Variants in LPP observed in about 807,000 individuals in gnomAD.
The protein encoded by LPP is lipoma-preferred partner.
Under a neutral mutation model 60.4 loss-of-function variants are expected in LPP, and 38 were observed. That is an observed-to-expected ratio of 0.63 (90% CI 0.49 to 0.83). The LOEUF (loss-of-function observed/expected upper bound fraction) is 0.83, where lower values mean the gene tolerates loss of function less well. Among genes scored for constraint, LPP ranks in the 40% least tolerant of loss-of-function variants. The probability of loss-of-function intolerance (pLI) is 0.00; values close to 1 mark genes in which losing one functional copy is unlikely to be tolerated. For missense variants in LPP, 902 were observed against 783.6 expected (o/e 1.15, Z -1.80); for synonymous variants, 328 against 290.8 (o/e 1.13, Z -1.30).
intron 3 of LPP, among the ~76,000 whole-genome samples, chr3:188,377,317 A>G (rs968085391): frequency 3.3e-5 from 5 of 152,108 alleles, no homozygotes; most frequent in Non-Finnish European, 4.4e-5. Context: ...ACTTGGTTTC[A>G]TTCTCCCCGT....
At position 188,875,554 on chromosome 3, in the gene LPP, G is replaced by T. The variant is rs924348984; in HGVS notation, c.*1075G>T. 5 of 210,728 alleles carry T rather than the reference G, an allele frequency of 2.4e-5. No homozygotes were observed. The highest frequency in any genetic ancestry group is 1.1e-4 in the African/African-American group (5 of 43,994). The allele number at this position is 210,728 out of a possible 1,614,324, so 13.1% of individuals were successfully genotyped here. ...AAAATAAAACTGTGCAGTTTTGTTT[G>T]GTTTACTTTCAAAAGAGTAGAAAGC... On this transcript the variant is annotated 3_prime_UTR_variant, in exon 12 of 12. Coordinates refer to ENST00000617246, the MANE Select transcript of LPP (RefSeq NM_001375462.1).
At chr3:188,394,615 A>G (rs1198057828) in intron 3 of LPP, among the ~76,000 whole-genome samples, 2 of 150,718 alleles carry the variant, frequency 1.3e-5, no homozygotes, top group Non-Finnish European at 2.9e-5. Context: ...CCAGAACATT[A>G]GCTGAGTATA....
At chr3:188,555,840 A>G (rs1048197999) in intron 6 of LPP, among the ~76,000 whole-genome samples, 9 of 152,086 alleles carry the variant, frequency 5.9e-5, no homozygotes, top group African/African-American at 2.2e-4. Context: ...GACTTGATAT[A>G]GGTGTAGGTG....
intron 3 of LPP, among the ~76,000 whole-genome samples, chr3:188,389,137 A>ATG (rs561004724): frequency 1.4e-4 from 21 of 150,798 alleles, no homozygotes; most frequent in African/African-American, 2.9e-4. Context: ...GTGTGTGCGT[A>ATG]TGTGTGTGTG....
Position 188,675,642 on chromosome 3 carries a change from G to A in LPP, c.1114-32625G>A, listed in dbSNP as rs115985051. ...ATAGCCTTAGACAAGTCATGTAACC[G>A]TTCAGGCCCCAAATGTCCTTCTGGA... is the stretch of plus-strand genomic sequence containing the variant. On this transcript the variant is annotated intron_variant, in intron 7 of 11. Coordinates refer to ENST00000617246, the MANE Select transcript of LPP (RefSeq NM_001375462.1). Among the ~76,000 whole-genome samples the A allele has an allele frequency of 6.5e-3, 982 of 152,204 alleles. 7 individuals are homozygous for A. The highest frequency in any genetic ancestry group is 0.013 in the South Asian group (62 of 4,824).
intron 2 of LPP, among the ~76,000 whole-genome samples, chr3:188,337,496 T>C (rs190152164): frequency 1.1e-3 from 167 of 152,332 alleles, no homozygotes; most frequent in Admixed American, 1.4e-3. Flanking sequence ...CCTCCCTGTT[T>C]CCAGCAGATC....
At position 188,735,573 on chromosome 3, in the gene LPP, G is replaced by A. The variant is rs533818729; in HGVS notation, c.1241-24540G>A. ...ATTTTTTTGTATTTTTATTAGAGAT[G>A]GGGTTTCACCATGTTGGCTAGGCTG... On this transcript the variant is annotated intron_variant, in intron 8 of 11. Transcript: ENST00000617246. Among the ~76,000 whole-genome samples the A allele has an allele frequency of 4.8e-4, 73 of 151,866 alleles. 1 individual carries two copies. Among genetic ancestry groups the A allele is most frequent in the African/African-American group, 1.6e-3 (68 of 41,410 alleles).
intron 8 of LPP, among the ~76,000 whole-genome samples, chr3:188,754,273 T>C (rs1729417544): frequency 6.6e-6 from 1 of 152,206 alleles, no homozygotes; most frequent in African/African-American, 2.4e-5. Flanking sequence ...ATGAGAAAAT[T>C]TAGCTGATTC....
At chr3:188,640,375 G>C (rs1195372351) in intron 7 of LPP, among the ~76,000 whole-genome samples, 1 of 116,572 alleles carries the variant, frequency 8.6e-6, no homozygotes, top group Admixed American at 9.4e-5. Flanking sequence ...TTGTGGGGTG[G>C]GGGGAGGGGG....
intron 1 of LPP, among the ~76,000 whole-genome samples, chr3:188,218,712 CA>C (rs1214149379): frequency 6.6e-6 from 1 of 151,992 alleles, no homozygotes; most frequent in African/African-American, 2.4e-5. Flanking sequence ...GGGATTGATT[CA>C]AAGATAATTT....
intron 2 of LPP, among the ~76,000 whole-genome samples, chr3:188,271,375 C>G (rs1737665096): frequency 6.6e-6 from 1 of 152,188 alleles, no homozygotes; most frequent in Admixed American, 6.5e-5. Flanking sequence ...CTGCTTCTCT[C>G]ATGCATTGAA....
chr3:188,762,997 G>A (rs1732908433), intron 9 of LPP, among the ~76,000 whole-genome samples: 1 of 152,132 alleles, frequency 6.6e-6, no homozygotes, highest in African/African-American at 2.4e-5. Flanking sequence ...CCAATAAGCT[G>A]CATACTAGAA....
At chr3:188,873,954 G>A (rs1419051544) in intron 11 of LPP, among the ~76,000 whole-genome samples, 1 of 152,134 alleles carries the variant, frequency 6.6e-6, no homozygotes, top group Non-Finnish European at 1.5e-5. Flanking sequence ...TGCATTTTGA[G>A]AGATCCTTAA....
chr3:188,528,461 C>G (rs1268986998), intron 6 of LPP, among the ~76,000 whole-genome samples: 2 of 151,822 alleles, frequency 1.3e-5, no homozygotes, highest in Admixed American at 1.3e-4. Context: ...AACCTTTATT[C>G]TTGAAGGTTG....
At chr3:188,674,282 C>T (rs1376776362) in intron 7 of LPP, among the ~76,000 whole-genome samples, 1 of 152,184 alleles carries the variant, frequency 6.6e-6, no homozygotes, top group African/African-American at 2.4e-5. Flanking sequence ...ATTTTTCCTT[C>T]TCCTGCTCTT....
chr3:188,488,265 C>T (rs977019860), intron 5 of LPP, among the ~76,000 whole-genome samples: 1 of 152,048 alleles, frequency 6.6e-6, no homozygotes, highest in African/African-American at 2.4e-5. Context: ...CGGAGTTTTG[C>T]TTGGCTGTCT....
intron 5 of LPP, among the ~76,000 whole-genome samples, chr3:188,493,334 C>A (rs1808946163): frequency 6.6e-6 from 1 of 152,042 alleles, no homozygotes; most frequent in South Asian, 2.1e-4. Flanking sequence ...GTAAATTTTT[C>A]TTGTTTGGTC....
rs1024013512 is a variant in LPP at position 188,316,125 on chromosome 3, A to T, written c.-66-25538A>T. Among the ~76,000 whole-genome samples the T allele has an allele frequency of 2.6e-5, 4 of 152,162 alleles. No homozygotes were observed. In the East Asian group the frequency reaches 7.7e-4, roughly 29 times the overall value. On this transcript the variant is annotated intron_variant, in intron 2 of 11. Coordinates refer to ENST00000617246, the MANE Select transcript of LPP (RefSeq NM_001375462.1). Reference sequence around the variant, plus strand: ...CTGATCTCTACTAAAAAAATACAAAAAAACCAGCCAGGCATGGTGGCAGGC... The same window carrying T: ...CTGATCTCTACTAAAAAAATACAAATAAACCAGCCAGGCATGGTGGCAGGC...
At chr3:188,193,350 C>G (rs924366159) in intron 1 of LPP, among the ~76,000 whole-genome samples, 1 of 152,166 alleles carries the variant, frequency 6.6e-6, no homozygotes, top group Non-Finnish European at 1.5e-5. Context: ...CAGTTCCCAG[C>G]TCTGTCGCTG....
Sources: gnomAD v4.1 joint callset for allele counts (sites outside exome capture counted in the v4.1 genomes callset) on GRCh38, gnomAD v4.1.1 for gene constraint, MANE v1.5 for transcripts, NCBI Gene and HGNC (gene_info 2026-07-23, HGNC 2026-07-21) for gene names.